Variants in VIT observed in about 807,000 individuals in gnomAD.
The protein encoded by VIT is vitrin.
VIT carries 99 observed loss-of-function variants against 78.0 expected under a neutral mutation model. The observed-to-expected ratio is 1.27, with a 90% CI of 1.08 to 1.50. The LOEUF is 1.50. Ranked by LOEUF, VIT falls within the 40% of genes most tolerant of loss-of-function variation. The pLI, the probability that VIT is intolerant of heterozygous loss-of-function variation, is 0.00. For synonymous variants in VIT, 374 were observed against 334.3 expected (o/e 1.12, Z -1.29); for missense variants, 1,126 against 875.3 (o/e 1.29, Z -3.61).
At chr2:36,719,772 C>A (rs937230721) in intron 2 of VIT, among the ~76,000 whole-genome samples, 4 of 152,102 alleles carry the variant, frequency 2.6e-5, no homozygotes, top group Non-Finnish European at 2.9e-5. Context: ...AACCCTGTAT[C>A]TACCAATAAA....
chr2:36,791,542 G>A (rs1252706686), intron 12 of VIT, among the ~76,000 whole-genome samples: 2 of 152,212 alleles, frequency 1.3e-5, no homozygotes, highest in African/African-American at 4.8e-5. Context: ...TAGGGATGTT[G>A]CAGTGTAGCC....
intron 4 of VIT, among the ~76,000 whole-genome samples, chr2:36,752,522 T>A (rs1050060377): frequency 2.0e-5 from 3 of 152,216 alleles, no homozygotes; most frequent in African/African-American, 7.2e-5. Flanking sequence ...GGTTTGCTTT[T>A]CCAGAGAATA....
intron 4 of VIT, among the ~76,000 whole-genome samples, chr2:36,748,879 A>G (rs1009841135): frequency 6.6e-6 from 1 of 152,136 alleles, no homozygotes; most frequent in East Asian, 1.9e-4. Context: ...GTGATGGTTT[A>G]CTTGATATTT....
chr2:36,698,585 C>T (rs146005545), intron 1 of VIT, among the ~76,000 whole-genome samples: 2,980 of 152,256 alleles, frequency 0.02, 306 homozygotes, highest in Admixed American at 0.18. Flanking sequence ...CCTCCCAGGG[C>T]GGCCACAAGG....
At chr2:36,712,640 G>A (rs956920696) in intron 1 of VIT, among the ~76,000 whole-genome samples, 2 of 151,916 alleles carry the variant, frequency 1.3e-5, no homozygotes, top group African/African-American at 2.4e-5. Flanking sequence ...GTTCCAGACC[G>A]GCCTGGCCAA....
At chr2:36,733,316 CTTTCTCTCTCTT>C (rs1558524192) in intron 3 of VIT, among the ~76,000 whole-genome samples, 1 of 152,102 alleles carries the variant, frequency 6.6e-6, no homozygotes, top group Non-Finnish European at 1.5e-5. Context: ...GCATCTCTCT[CTTTCTCTCTCTT>C]GCTGTCTCTC....
intron 12 of VIT, among the ~76,000 whole-genome samples, chr2:36,788,986 G>A (rs1194206362): frequency 6.6e-6 from 1 of 152,068 alleles, no homozygotes; most frequent in Non-Finnish European, 1.5e-5. Context: ...CAATGTGATC[G>A]CCATTCACAA....
At chr2:36,710,452 T>G (rs1665732027) in intron 1 of VIT, among the ~76,000 whole-genome samples, 1 of 152,188 alleles carries the variant, frequency 6.6e-6, no homozygotes, top group African/African-American at 2.4e-5. Flanking sequence ...ATGAATACTG[T>G]GAAACCATCA....
At chr2:36,781,290 C>T (rs1664734840) in intron 9 of VIT, among the ~76,000 whole-genome samples, 1 of 152,144 alleles carries the variant, frequency 6.6e-6, no homozygotes, top group Non-Finnish European at 1.5e-5. Flanking sequence ...GGATTTAGGG[C>T]AAAAGATTCA....
intron 13 of VIT, 54 bp from the exon 14 acceptor site, chr2:36,805,384 C>A: frequency 6.6e-7 from 1 of 1,518,670 alleles, no homozygotes; most frequent in Non-Finnish European, 8.8e-7. Context: ...TGATCTCTTC[C>A]TGTATTTATA....
At chr2:36,804,773 T>G (rs549676947) in intron 13 of VIT, among the ~76,000 whole-genome samples, 1 of 150,834 alleles carries the variant, frequency 6.6e-6, no homozygotes, top group East Asian at 2.0e-4. Flanking sequence ...GAGGTTGCAG[T>G]GAGTCGAGAT....
intron 9 of VIT, among the ~76,000 whole-genome samples, chr2:36,777,886 C>T (rs1024977361): frequency 1.3e-5 from 2 of 152,130 alleles, no homozygotes; most frequent in Admixed American, 1.3e-4. Context: ...TCACATGGGG[C>T]AACCGAATCC....
At chr2:36,781,064 A>C (rs748293327) in intron 9 of VIT, among the ~76,000 whole-genome samples, 1 of 152,180 alleles carries the variant, frequency 6.6e-6, no homozygotes, top group Non-Finnish European at 1.5e-5. Flanking sequence ...CTTACTGCAT[A>C]CAGGTCCAGG....
intron 7 of VIT, among the ~76,000 whole-genome samples, chr2:36,770,064 T>G (rs1044665323): frequency 1.3e-5 from 2 of 152,204 alleles, no homozygotes; most frequent in Non-Finnish European, 2.9e-5. Context: ...ATTTTTCCTC[T>G]TATATATGTG....
intron 1 of VIT, among the ~76,000 whole-genome samples, chr2:36,714,370 T>C (rs1340774943): frequency 2.6e-5 from 4 of 152,234 alleles, no homozygotes; most frequent in Non-Finnish European, 5.9e-5. Context: ...GATGTCACTT[T>C]GGTGGCTTCA....
At chr2:36,795,853 T>G (rs938016621) in intron 12 of VIT, among the ~76,000 whole-genome samples, 2 of 152,204 alleles carry the variant, frequency 1.3e-5, no homozygotes, top group African/African-American at 2.4e-5. Context: ...CTAGCTTTCT[T>G]AAGTGCAAGA....
intron 5 of VIT, among the ~76,000 whole-genome samples, chr2:36,756,049 C>T (rs1668745117): frequency 1.3e-5 from 2 of 150,456 alleles, no homozygotes; most frequent in Non-Finnish European, 2.9e-5. Context: ...CCTCTGCCTC[C>T]TGGGTTCAAG....
At chr2:36,754,357 G>A (rs1453777245) in intron 4 of VIT, among the ~76,000 whole-genome samples, 1 of 152,138 alleles carries the variant, frequency 6.6e-6, no homozygotes, top group Non-Finnish European at 1.5e-5. Context: ...AACATCAAAG[G>A]AAAGACATTC....
At chr2:36,761,558 G>C (rs1402980113) in intron 6 of VIT, among the ~76,000 whole-genome samples, 2 of 152,078 alleles carry the variant, frequency 1.3e-5, no homozygotes, top group Non-Finnish European at 2.9e-5. Context: ...GGCTAACATG[G>C]TGAAACTCCG....
Sources: gnomAD v4.1 joint callset for allele counts (sites outside exome capture counted in the v4.1 genomes callset) on GRCh38, gnomAD v4.1.1 for gene constraint, MANE v1.5 for transcripts, NCBI Gene and HGNC (gene_info 2026-07-23, HGNC 2026-07-21) for gene names.